Variants in ATXN1 observed in about 807,000 individuals in gnomAD.
ATXN1 encodes the protein ataxin-1.
In ATXN1, 8 loss-of-function variants were observed where a neutral mutation model predicts 56.4. The ratio of observed to expected loss-of-function variants is 0.14; its 90% CI spans 0.08 to 0.26. The LOEUF is 0.26. Ranked by LOEUF, ATXN1 falls within the 10% of genes least tolerant of loss-of-function variation. The probability of loss-of-function intolerance (pLI) is 1.00; values close to 1 mark genes in which losing one functional copy is unlikely to be tolerated. For missense variants in ATXN1, 987 were observed against 1,106.5 expected, an observed-to-expected ratio of 0.89 and a Z score of 1.53; for synonymous variants, 514 against 494.6, an observed-to-expected ratio of 1.04 and a Z score of -0.52.
chr6:16,582,687 T>C (rs1762551173), intron 4 of ATXN1, among the ~76,000 whole-genome samples: 2 of 152,210 alleles, frequency 1.3e-5, no homozygotes, highest in African/African-American at 4.8e-5. Flanking sequence ...GCACAATTAA[T>C]ATGGTTAAGT....
At chr6:16,490,167 C>T (rs1581796890) in intron 5 of ATXN1, among the ~76,000 whole-genome samples, 3 of 145,120 alleles carry the variant, frequency 2.1e-5, no homozygotes, top group Admixed American at 6.8e-5. Flanking sequence ...AACCAAACAA[C>T]AAAAAACTTC....
At position 16,327,471 on chromosome 6, in the gene ATXN1, C is replaced by A. The variant is rs746362347; in HGVS notation, c.840G>T (p.Thr280=). The part of the protein sequence containing the change: ...LHPHQTMIPH[T]LTLGPPSQVV... ...CCTGGGAGGGGGGCCCCAGGGTGAGCGTGTGTGGGATCATCGTCTGGTGGG... is the reference window on the plus strand; with the variant it reads ...CCTGGGAGGGGGGCCCCAGGGTGAGAGTGTGTGGGATCATCGTCTGGTGGG... The change falls in exon 7 of 8, where the codon ACG becomes ACT. Residue 280 remains threonine, a synonymous_variant. Coordinates refer to ENST00000436367, the MANE Select transcript of ATXN1 (RefSeq NM_001128164.2). The A allele has an allele frequency of 4.3e-6, 7 of 1,613,106 alleles. No homozygotes were observed. Among genetic ancestry groups the A allele is most frequent in the Non-Finnish European group, 5.9e-6 (7 of 1,179,854 alleles).
intron 3 of ATXN1, among the ~76,000 whole-genome samples, chr6:16,654,649 C>T (rs1332385302): frequency 6.6e-6 from 1 of 151,474 alleles, no homozygotes; most frequent in African/African-American, 2.4e-5. Flanking sequence ...TGTGGTGAGG[C>T]AGAACTTTGA....
intron 3 of ATXN1, among the ~76,000 whole-genome samples, chr6:16,587,228 A>G (rs978018492): frequency 4.6e-5 from 7 of 152,234 alleles, no homozygotes; most frequent in Non-Finnish European, 8.8e-5. Context: ...CCAAATCCAG[A>G]TGCCAAAACA....
intron 2 of ATXN1, among the ~76,000 whole-genome samples, chr6:16,744,978 A>G (rs2113518226): frequency 6.6e-6 from 1 of 152,376 alleles, no homozygotes; most frequent in South Asian, 2.1e-4. Context: ...GAGCTCATAT[A>G]CATAGATTAG....
intron 4 of ATXN1, among the ~76,000 whole-genome samples, chr6:16,546,372 G>C (rs1377587032): frequency 6.6e-6 from 1 of 152,142 alleles, no homozygotes; most frequent in African/African-American, 2.4e-5. Context: ...GGGCCATCAT[G>C]TCCAACTGTG....
intron 6 of ATXN1, among the ~76,000 whole-genome samples, chr6:16,443,078 G>A (rs1189004822): frequency 5.3e-5 from 8 of 151,552 alleles, no homozygotes; most frequent in African/African-American, 1.9e-4. Context: ...GCTACTTGGG[G>A]GGCTGAGGCA....
chr6:16,687,998 G>C (rs1233989461), intron 2 of ATXN1, among the ~76,000 whole-genome samples: 1 of 152,178 alleles, frequency 6.6e-6, no homozygotes, highest in Non-Finnish European at 1.5e-5. Context: ...ACAATTCCAT[G>C]AAAACTGAGT....
chr6:16,353,465 GA>G (rs1761614843), intron 6 of ATXN1, among the ~76,000 whole-genome samples: 1 of 152,268 alleles, frequency 6.6e-6, no homozygotes, highest in Middle Eastern at 3.4e-3. Context: ...TTGGGGTCAG[GA>G]GTTCGAGACC....
rs548322476 is a variant in ATXN1, at chr6:16,582,408, T to C, written c.-361+3372A>G. On this transcript the variant is annotated intron_variant, in intron 4 of 7. Transcript: ENST00000436367. ...TGCCCCTAAAAAGGCCTTTGCTAAA[T>C]TAATAAATGAGTGAGGAATGACTGA... Among the ~76,000 whole-genome samples, 11 of 152,296 alleles carry C rather than the reference T, an allele frequency of 7.2e-5. No individual in the cohort carries two copies. The East Asian group carries it at 2.1e-3, about 29-fold the overall frequency.
At chr6:16,687,743 T>A (rs1163245957) in intron 2 of ATXN1, among the ~76,000 whole-genome samples, 3 of 151,334 alleles carry the variant, frequency 2.0e-5, no homozygotes, top group African/African-American at 7.3e-5. Flanking sequence ...CATACAAATT[T>A]AGTCTGTATA....
At chr6:16,564,904 A>T (rs1336862705) in intron 4 of ATXN1, among the ~76,000 whole-genome samples, 3 of 152,118 alleles carry the variant, frequency 2.0e-5, no homozygotes, top group Non-Finnish European at 2.9e-5. Context: ...CTCCTGAATA[A>T]ACAAGACTTT....
At chr6:16,444,315 C>G (rs1759590492) in intron 6 of ATXN1, among the ~76,000 whole-genome samples, 1 of 152,014 alleles carries the variant, frequency 6.6e-6, no homozygotes, top group Admixed American at 6.6e-5. Flanking sequence ...AAAAGCTGAT[C>G]CCAGAGCTAA....
intron 4 of ATXN1, among the ~76,000 whole-genome samples, chr6:16,558,517 C>T (rs1197756400): frequency 6.6e-6 from 1 of 151,908 alleles, no homozygotes; most frequent in East Asian, 1.9e-4. Context: ...AACAGGCGTG[C>T]GCCACCATGT....
intron 4 of ATXN1, among the ~76,000 whole-genome samples, chr6:16,573,287 T>C (rs1169210937): frequency 1.3e-5 from 2 of 152,206 alleles, no homozygotes; most frequent in East Asian, 1.9e-4. Flanking sequence ...TGGACACCAA[T>C]AGTACCTGTC....
intron 6 of ATXN1, among the ~76,000 whole-genome samples, chr6:16,363,432 G>A (rs1561867726): frequency 1.3e-5 from 2 of 152,178 alleles, no homozygotes; most frequent in African/African-American, 4.8e-5. Flanking sequence ...TCCACTGAAG[G>A]ACAAAACAAA....
intron 7 of ATXN1, among the ~76,000 whole-genome samples, chr6:16,317,195 C>T (rs1760532317): frequency 6.6e-6 from 1 of 152,052 alleles, no homozygotes; most frequent in Non-Finnish European, 1.5e-5. Context: ...GGAGCAGTAC[C>T]ACAGATAACC....
chr6:16,480,414 G>C (rs1277681356), intron 6 of ATXN1, among the ~76,000 whole-genome samples: 1 of 151,922 alleles, frequency 6.6e-6, no homozygotes, highest in Non-Finnish European at 1.5e-5. Flanking sequence ...TTCCACCTCT[G>C]CTTGAAGGCT....
At chr6:16,522,324 T>A (rs1761308800) in intron 5 of ATXN1, among the ~76,000 whole-genome samples, 2 of 152,132 alleles carry the variant, frequency 1.3e-5, no homozygotes, top group African/African-American at 4.8e-5. Flanking sequence ...TGTGCACCAG[T>A]TGCTGAGGGA....
Sources: allele counts gnomAD v4.1 joint callset (sites outside exome capture counted in the v4.1 genomes callset), GRCh38; gene constraint gnomAD v4.1.1; transcripts MANE v1.5; gene names NCBI Gene and HGNC (gene_info 2026-07-23, HGNC 2026-07-21).